Variants in AXDND1 observed in about 807,000 individuals in gnomAD.
The protein encoded by AXDND1 is axonemal dynein light chain domain containing 1.
AXDND1 carries 110 observed loss-of-function variants against 137.5 expected under a neutral mutation model. The observed-to-expected ratio is 0.80, with a 90% CI of 0.69 to 0.94. The LOEUF (loss-of-function observed/expected upper bound fraction) is 0.94. AXDND1 is among the 40% of genes least tolerant of loss of function. The pLI is 0.00. For synonymous variants in AXDND1, 414 were observed against 399.7 expected (o/e 1.04, Z -0.43); for missense variants, 1,191 against 1,169.8 (o/e 1.02, Z -0.26).
At chr1:179,381,943 ATT>A (rs71111920) in intron 6 of AXDND1, among the ~76,000 whole-genome samples, 8,650 of 105,502 alleles carry the variant, frequency 0.082, 283 homozygotes, top group African/African-American at 0.15. Context: ...ACCACACCTA[ATT>A]TTTTTTTTTT....
At chr1:179,418,298 G>A (rs1230897759) in intron 12 of AXDND1, among the ~76,000 whole-genome samples, 1 of 152,198 alleles carries the variant, frequency 6.6e-6, no homozygotes, top group Non-Finnish European at 1.5e-5. Context: ...GAGAGCATAG[G>A]GCTGGGGGTA....
intron 9 of AXDND1, among the ~76,000 whole-genome samples, chr1:179,386,200 T>C (rs1244326848): frequency 6.6e-6 from 1 of 151,906 alleles, no homozygotes; most frequent in Non-Finnish European, 1.5e-5. Context: ...TACAGGCGCC[T>C]GCCACCACGC....
intron 21 of AXDND1, among the ~76,000 whole-genome samples, chr1:179,513,703 T>G (rs1323217779): frequency 2.0e-5 from 3 of 152,116 alleles, no homozygotes; most frequent in Non-Finnish European, 4.4e-5. Context: ...GGACTTTTTT[T>G]TTGTTGGTAA....
chr1:179,532,135 G>T (rs756976960), intron 23 of AXDND1, among the ~76,000 whole-genome samples: 1 of 152,178 alleles, frequency 6.6e-6, no homozygotes, highest in Non-Finnish European at 1.5e-5. Flanking sequence ...TCAGACCACG[G>T]TCTGAAGCTC....
chr1:179,538,514 C>A (rs1671775010), intron 25 of AXDND1, among the ~76,000 whole-genome samples: 1 of 152,168 alleles, frequency 6.6e-6, no homozygotes, highest in Non-Finnish European at 1.5e-5. Flanking sequence ...GAGTGAGTTT[C>A]TTAATCCTGA....
At chr1:179,497,794 TAAAC>T (rs1667595870) in intron 20 of AXDND1, among the ~76,000 whole-genome samples, 1 of 152,146 alleles carries the variant, frequency 6.6e-6, no homozygotes, top group Non-Finnish European at 1.5e-5. Flanking sequence ...CTAGAATTGA[TAAAC>T]AACTTTAGTA....
At chr1:179,466,901 T>C (rs1255888124) in intron 16 of AXDND1, among the ~76,000 whole-genome samples, 1 of 152,138 alleles carries the variant, frequency 6.6e-6, no homozygotes, top group African/African-American at 2.4e-5. Flanking sequence ...TGAAATGAAG[T>C]CTGGCCTTGG....
chr1:179,502,588 A>T (rs564752909), intron 20 of AXDND1, among the ~76,000 whole-genome samples: 80 of 149,710 alleles, frequency 5.3e-4, no homozygotes, highest in Non-Finnish European at 1.0e-4. Context: ...AAAAAAAAGA[A>T]ATTGCAAAGT....
At chr1:179,444,324 A>G (rs1220675335) in intron 15 of AXDND1, among the ~76,000 whole-genome samples, 1 of 152,158 alleles carries the variant, frequency 6.6e-6, no homozygotes, top group Non-Finnish European at 1.5e-5. Flanking sequence ...TATAAAAGGT[A>G]AGTGGCAGAG....
At chr1:179,424,871 C>A (rs924651290) in intron 12 of AXDND1, among the ~76,000 whole-genome samples, 2 of 152,176 alleles carry the variant, frequency 1.3e-5, no homozygotes, top group Non-Finnish European at 2.9e-5. Flanking sequence ...AAATGTATTT[C>A]TCAATTCCAG....
intron 17 of AXDND1, among the ~76,000 whole-genome samples, chr1:179,481,287 T>C (rs1307546816): frequency 6.6e-6 from 1 of 151,926 alleles, no homozygotes; most frequent in Non-Finnish European, 1.5e-5. Context: ...TCCAGCTTCA[T>C]CCATGTCCCT....
At chr1:179,489,153 T>A (rs2125569425) in intron 18 of AXDND1, among the ~76,000 whole-genome samples, 1 of 125,792 alleles carries the variant, frequency 7.9e-6, no homozygotes. Context: ...TCTTAAAATG[T>A]CTTTTAAGAA....
intron 21 of AXDND1, among the ~76,000 whole-genome samples, chr1:179,517,772 G>A (rs769717830): frequency 3.9e-5 from 6 of 152,192 alleles, no homozygotes; most frequent in South Asian, 2.1e-4. Flanking sequence ...TCCCACTTTC[G>A]CAGTTTGGGC....
chr1:179,492,404 A>C (rs1448950583), intron 19 of AXDND1, among the ~76,000 whole-genome samples: 1 of 150,962 alleles, frequency 6.6e-6, no homozygotes, highest in East Asian at 2.0e-4. Flanking sequence ...TGCTTCACTA[A>C]ATGCCAACCA....
intron 20 of AXDND1, among the ~76,000 whole-genome samples, chr1:179,502,962 G>A (rs1471428102): frequency 6.6e-6 from 1 of 151,964 alleles, no homozygotes; most frequent in Non-Finnish European, 1.5e-5. Context: ...AGGCGTGGTG[G>A]CGCATGCCTG....
intron 11 of AXDND1, among the ~76,000 whole-genome samples, chr1:179,395,568 G>C (rs1229089665): frequency 6.6e-6 from 1 of 152,136 alleles, no homozygotes; most frequent in Non-Finnish European, 1.5e-5. Context: ...CTGGGCCTAA[G>C]TTTGCCCATA....
chr1:179,531,505 C>G lies in AXDND1; in HGVS notation c.2716-2290C>G, dbSNP rs117627562. ...AGACTCAAGCAAGATGGAGTCAGCCCCATCAGATTTATCTTACCATCATAA... is the reference window on the plus strand; with the variant it reads ...AGACTCAAGCAAGATGGAGTCAGCCGCATCAGATTTATCTTACCATCATAA... On this transcript the variant is annotated intron_variant, in intron 23 of 25. Transcript: ENST00000367618. Among the ~76,000 whole-genome samples the G allele has an allele frequency of 8.7e-3, 1,324 of 152,164 alleles. 41 individuals are homozygous for G. The highest frequency in any genetic ancestry group is 0.055 in the Admixed American group (848 of 15,284).
At chr1:179,461,779 T>C (rs995800594) in intron 16 of AXDND1, among the ~76,000 whole-genome samples, 8 of 152,180 alleles carry the variant, frequency 5.3e-5, no homozygotes, top group Admixed American at 1.3e-4. Flanking sequence ...CCCTTGTAAG[T>C]TGGATTCCTA....
Position 179,368,822 on chromosome 1 carries a change from A to C in AXDND1, c.120A>C (p.Lys40Asn). 6.2e-7 allele frequency: 1 copy of C among 1,611,936 alleles called. No homozygotes were observed. Among genetic ancestry groups the C allele is most frequent in the Non-Finnish European group, 8.5e-7 (1 of 1,179,298 alleles). Residue 40 changes from lysine (K) to asparagine (N), a missense_variant, in exon 3 of 26, where the codon AAA (lysine) becomes AAC (asparagine). Lys to Asn is a moderately conservative substitution (Grantham distance 94). Transcript: ENST00000367618. Reference protein sequence around the residue: ...GTRGLPELKEKKNMVDRSKLL... With the variant: ...GTRGLPELKENKNMVDRSKLL... ...TAGGACTTCCTGAGCTAAAGGAGAAAAAAAATATGGTGGATCGTTCAAAAC... is the reference window on the plus strand; with the variant it reads ...TAGGACTTCCTGAGCTAAAGGAGAACAAAAATATGGTGGATCGTTCAAAAC...
Sources: allele counts gnomAD v4.1 joint callset (sites outside exome capture counted in the v4.1 genomes callset), GRCh38; gene constraint gnomAD v4.1.1; transcripts MANE v1.5; gene names NCBI Gene and HGNC (gene_info 2026-07-23, HGNC 2026-07-21).